Variants in PLEKHG1 observed in about 807,000 individuals in gnomAD.
PLEKHG1 encodes pleckstrin homology domain-containing family G member 1.
PLEKHG1 carries 44 observed loss-of-function variants against 100.8 expected under a neutral mutation model. The ratio of observed to expected loss-of-function variants is 0.44; its 90% CI spans 0.34 to 0.56. PLEKHG1 has a LOEUF of 0.56. Among genes scored for constraint, PLEKHG1 ranks in the 20% least tolerant of loss-of-function variants. PLEKHG1 has a pLI of 0.01. For synonymous variants in PLEKHG1, 640 were observed against 662.5 expected, an observed-to-expected ratio of 0.97 and a Z score of 0.52; for missense variants, 1,545 against 1,720.9, an observed-to-expected ratio of 0.90 and a Z score of 1.81.
chr6:150,741,910 TATC>T (rs1254626512), intron 2 of PLEKHG1, among the ~76,000 whole-genome samples: 1 of 152,236 alleles, frequency 6.6e-6, no homozygotes, highest in East Asian at 1.9e-4. Context: ...GGCTGACTTC[TATC>T]CATTAGAAGC....
intron 3 of PLEKHG1, among the ~76,000 whole-genome samples, chr6:150,682,910 G>A (rs972502927): frequency 6.6e-6 from 1 of 152,182 alleles, no homozygotes; most frequent in African/African-American, 2.4e-5. Flanking sequence ...AACAGCAGGA[G>A]TGAGGATGAA....
chr6:150,756,007 C>T (rs1158229188), intron 2 of PLEKHG1, among the ~76,000 whole-genome samples: 1 of 152,066 alleles, frequency 6.6e-6, no homozygotes, highest in African/African-American at 2.4e-5. Context: ...TGTGGAAATT[C>T]ATATCTCTTG....
chr6:150,664,141 T>C (rs1779312181), intron 3 of PLEKHG1: 1 of 152,240 alleles, frequency 6.6e-6, no homozygotes, highest in Admixed American at 6.5e-5. Flanking sequence ...TCTCAGGCAG[T>C]TTCCCCTAAG....
rs112455089 is a variant in PLEKHG1 at position 150,768,498 on chromosome 6, G to A, written c.412-140G>A. The A allele has an allele frequency of 1.8e-4, 110 of 622,928 alleles. 1 individual carries two copies. Among genetic ancestry groups the A allele is most frequent in the African/African-American group, 1.6e-3 (85 of 54,236 alleles). 38.6% of individuals were successfully genotyped at this position (622,928 alleles called of 1,614,324 possible). ...GAGTATTAGGGCCAGTAATAAGAGAGCAACTGTGTACTCTCAGAGTTAATG... is the reference window on the plus strand; with the variant it reads ...GAGTATTAGGGCCAGTAATAAGAGAACAACTGTGTACTCTCAGAGTTAATG... On this transcript the variant is annotated intron_variant, in intron 2 of 15. Transcript: ENST00000358517.
At position 150,684,426 on chromosome 6, in the gene PLEKHG1, G is replaced by A. The variant is rs371790949; in HGVS notation, c.-99+33640G>A. On this transcript the variant is annotated intron_variant, in intron 3 of 3. Coordinates refer to the PLEKHG1 transcript ENST00000367326. ...ACGTGGGAAATCCAGGTGCGGCTTG[G>A]GGACTAGTATTTGAAATTTCAACTG... Among the ~76,000 whole-genome samples, 92 of 152,334 alleles carry A rather than the reference G, an allele frequency of 6.0e-4. 1 individual carries two copies. In the South Asian group the frequency reaches 0.019, roughly 32 times the overall value.
intron 7 of PLEKHG1, among the ~76,000 whole-genome samples, chr6:150,808,307 A>C (rs1787265404): frequency 6.6e-6 from 1 of 152,194 alleles, no homozygotes; most frequent in Non-Finnish European, 1.5e-5. Context: ...AACTCAAGAA[A>C]TTTCTGAGAA....
At chr6:150,719,416 C>T (rs571001492), upstream of PLEKHG1, among the ~76,000 whole-genome samples, 12 of 152,220 alleles carry the variant, frequency 7.9e-5, 1 homozygote, top group South Asian at 2.5e-3. Context: ...GTATTTTATC[C>T]CATCTAAGAG....
intron 1 of PLEKHG1, among the ~76,000 whole-genome samples, chr6:150,616,523 T>C (rs573463171): frequency 2.0e-5 from 3 of 152,152 alleles, no homozygotes; most frequent in Admixed American, 6.5e-5. Flanking sequence ...AGGTGTCTTC[T>C]CTAGAGAAAA....
rs527626443 is a variant in PLEKHG1, at chr6:150,743,056, T to C, written c.411+8964T>C. On this transcript the variant is annotated intron_variant, in intron 2 of 15. Transcript: ENST00000358517. ...ATGAGAATCTTGTTACCTGGCTACA[T>C]CCTATAAGGGAGGATGGGAGGTGCA... 3.2e-4 allele frequency among the ~76,000 whole-genome samples: 48 copies of C among 152,276 alleles called. 1 individual carries two copies.
chr6:150,695,797 T>C (rs1780521146), intron 3 of PLEKHG1, among the ~76,000 whole-genome samples: 1 of 152,202 alleles, frequency 6.6e-6, no homozygotes, highest in Admixed American at 6.5e-5. Context: ...AGAGTTTCTC[T>C]CATGAGCTGT....
At chr6:150,798,649 G>A (rs191241957) in intron 5 of PLEKHG1, among the ~76,000 whole-genome samples, 1 of 152,334 alleles carries the variant, frequency 6.6e-6, no homozygotes, top group East Asian at 1.9e-4. Context: ...TGGTGGAAGA[G>A]CATGTTCTGG....
At chr6:150,706,866 G>C (rs983167892) in intron 3 of PLEKHG1, among the ~76,000 whole-genome samples, 3 of 151,752 alleles carry the variant, frequency 2.0e-5, no homozygotes, top group Admixed American at 1.3e-4. Flanking sequence ...TTCCTGATCC[G>C]TGATGAATTT....
intron 2 of PLEKHG1, among the ~76,000 whole-genome samples, chr6:150,649,256 T>G (rs1023681728): frequency 6.6e-6 from 1 of 152,220 alleles, no homozygotes; most frequent in Non-Finnish European, 1.5e-5. Flanking sequence ...AGCTAGGATT[T>G]CAGACCTAGG....
At chr6:150,632,161 G>T (rs1777783592) in intron 1 of PLEKHG1, among the ~76,000 whole-genome samples, 1 of 152,152 alleles carries the variant, frequency 6.6e-6, no homozygotes. Context: ...AAAGGAAAAG[G>T]TCAGAGTACA....
intron 3 of PLEKHG1, among the ~76,000 whole-genome samples, chr6:150,660,255 A>G (rs1020673045): frequency 6.6e-6 from 1 of 152,162 alleles, no homozygotes; most frequent in African/African-American, 2.4e-5. Flanking sequence ...TAAAATTTTA[A>G]AACTAAGTAA....
intron 10 of PLEKHG1, among the ~76,000 whole-genome samples, chr6:150,810,060 C>G (rs1787399274): frequency 6.6e-6 from 1 of 151,948 alleles, no homozygotes; most frequent in Non-Finnish European, 1.5e-5. Context: ...CGTTGGGAGG[C>G]CAAGGCAGGT....
At chr6:150,783,828 T>C (rs950759250) in intron 3 of PLEKHG1, among the ~76,000 whole-genome samples, 4 of 152,224 alleles carry the variant, frequency 2.6e-5, no homozygotes, top group Admixed American at 2.6e-4. Context: ...TATTTAATAC[T>C]AAAAAAGAAC....
intron 1 of PLEKHG1, among the ~76,000 whole-genome samples, chr6:150,618,931 T>A (rs187542075): frequency 4.9e-4 from 74 of 152,126 alleles, no homozygotes; most frequent in Middle Eastern, 3.4e-3. Context: ...AAATTTTTTT[T>A]AAATTATTTG....
intron 3 of PLEKHG1, among the ~76,000 whole-genome samples, chr6:150,702,557 G>GGTGTGTGTGTGTGTGTGTGTGTGTGTGT (rs56768740): frequency 3.5e-5 from 5 of 142,830 alleles, no homozygotes; most frequent in African/African-American, 1.3e-4. Context: ...TTTGTTTTGG[G>GGTGTGTGTGTGTGTGTGTGTGTGTGTGT]GTGTGTGTGT....
Sources: gnomAD v4.1 joint callset for allele counts (sites outside exome capture counted in the v4.1 genomes callset) on GRCh38, gnomAD v4.1.1 for gene constraint, MANE v1.5 for transcripts, NCBI Gene and HGNC (gene_info 2026-07-23, HGNC 2026-07-21) for gene names.